Variants in ITPR1 observed in about 807,000 individuals in gnomAD.
ITPR1 encodes the protein inositol 1,4,5-trisphosphate receptor type 1, also known as inositol 1,4,5-trisphosphate-gated calcium channel ITPR1.
Under a neutral mutation model 318.4 loss-of-function variants are expected in ITPR1, and 96 were observed. The ratio of observed to expected loss-of-function variants is 0.30; its 90% CI spans 0.26 to 0.36. The LOEUF (loss-of-function observed/expected upper bound fraction) is 0.36. ITPR1 is among the 10% of genes least tolerant of loss of function. The probability of loss-of-function intolerance (pLI) is 1.00; values close to 1 mark genes in which losing one functional copy is unlikely to be tolerated. For missense variants in ITPR1, 2,440 were observed against 3,460.2 expected, an observed-to-expected ratio of 0.71 and a Z score of 7.40; for synonymous variants, 1,312 against 1,289.9, an observed-to-expected ratio of 1.02 and a Z score of -0.37.
At chr3:4,802,342 G>C (rs530566341) in intron 54 of ITPR1, among the ~76,000 whole-genome samples, 80 of 152,312 alleles carry the variant, frequency 5.3e-4, no homozygotes, top group African/African-American at 1.9e-3. Flanking sequence ...TTTGAGCCAA[G>C]AAATGGTCCA....
chr3:4,600,848 G>T (rs1451894988), intron 4 of ITPR1, among the ~76,000 whole-genome samples: 1 of 152,170 alleles, frequency 6.6e-6, no homozygotes, highest in African/African-American at 2.4e-5. Flanking sequence ...CAGGAATGGA[G>T]AAATAAAAAT....
intron 4 of ITPR1, among the ~76,000 whole-genome samples, chr3:4,609,617 C>G (rs2091954812): frequency 6.6e-6 from 1 of 152,002 alleles, no homozygotes; most frequent in Non-Finnish European, 1.5e-5. Context: ...GGGGGAAGGA[C>G]TCTGGTGCTC....
At chr3:4,800,252 T>C (rs985575370) in intron 53 of ITPR1, 173 bp from the exon 54 acceptor site, 6 of 574,390 alleles carry the variant, frequency 1.0e-5, no homozygotes, top group Admixed American at 7.7e-5. Context: ...GGCTTGGAGG[T>C]CAAAAAATGC....
At chr3:4,591,235 G>A (rs1417741300) in intron 4 of ITPR1, among the ~76,000 whole-genome samples, 2 of 152,122 alleles carry the variant, frequency 1.3e-5, no homozygotes, top group African/African-American at 2.4e-5. Context: ...TCCTCTGGGT[G>A]TATACTCAGT....
chr3:4,827,385 C>A (rs2050148479), intron 60 of ITPR1, among the ~76,000 whole-genome samples: 1 of 152,186 alleles, frequency 6.6e-6, no homozygotes, highest in Admixed American at 6.5e-5. Flanking sequence ...TAAAACTGCT[C>A]TCACCTGGAA....
chr3:4,528,891 A>G (rs1163632685), intron 4 of ITPR1, among the ~76,000 whole-genome samples: 1 of 152,228 alleles, frequency 6.6e-6, no homozygotes, highest in African/African-American at 2.4e-5. Context: ...GTTTATCTCA[A>G]TCTTGGACCA....
At chr3:4,544,684 A>G (rs1263046620) in intron 4 of ITPR1, among the ~76,000 whole-genome samples, 1 of 152,242 alleles carries the variant, frequency 6.6e-6, no homozygotes, top group Non-Finnish European at 1.5e-5. Flanking sequence ...TAACTTCGTA[A>G]AGGGAAATGC....
chr3:4,559,448 G>T (rs1272387362), intron 4 of ITPR1, among the ~76,000 whole-genome samples: 1 of 152,138 alleles, frequency 6.6e-6, no homozygotes. Flanking sequence ...TATGTTCTCT[G>T]TAAGGGTATT....
intron 2 of ITPR1, among the ~76,000 whole-genome samples, chr3:4,515,110 G>A (rs950751636): frequency 3.9e-5 from 6 of 152,176 alleles, no homozygotes; most frequent in African/African-American, 1.2e-4. Flanking sequence ...CAATGTCTGG[G>A]TTGTTGGAGG....
rs1204683161 is a variant in ITPR1, at chr3:4,787,368, C to T, written c.6616-579C>T. Among the ~76,000 whole-genome samples the T allele has an allele frequency of 4.3e-4, 54 of 125,188 alleles. No homozygotes were observed. In the South Asian group the frequency reaches 0.013, roughly 29 times the overall value. 82.1% of individuals were successfully genotyped at this position (125,188 alleles called of 152,430 possible). A position where few individuals can be genotyped will look rare whatever the true frequency, so the allele number is the denominator to read the frequency against. On this transcript the variant is annotated intron_variant, in intron 51 of 61. Transcript: ENST00000649015. ...AAAAAAAAAAAAAAAAAAAAGAATT[C>T]ATGGGTTCATCATTGTCTTGGATTA... is the stretch of plus-strand genomic sequence containing the variant.
intron 61 of ITPR1, 49 bp downstream of exon 61, chr3:4,836,984 C>G (rs912483017): frequency 5.5e-6 from 8 of 1,448,882 alleles, no homozygotes; most frequent in Admixed American, 1.9e-5. Context: ...TATCCCCACC[C>G]ACACCCACTA....
intron 4 of ITPR1, among the ~76,000 whole-genome samples, chr3:4,521,875 CAAAAACAA>C (rs1405604534): frequency 8.9e-6 from 1 of 112,222 alleles, no homozygotes; most frequent in African/African-American, 4.1e-5. Flanking sequence ...GTCTCAAAAA[CAAAAACAA>C]AAACAAAAAC....
At chr3:4,803,304 C>T (rs776243001) in intron 54 of ITPR1, among the ~76,000 whole-genome samples, 2 of 152,190 alleles carry the variant, frequency 1.3e-5, no homozygotes, top group Non-Finnish European at 2.9e-5. Context: ...CCAAACCATA[C>T]TGCCACTCTG....
At chr3:4,747,630 G>C (rs781096776) in intron 44 of ITPR1, among the ~76,000 whole-genome samples, 4 of 152,160 alleles carry the variant, frequency 2.6e-5, no homozygotes, top group African/African-American at 4.8e-5. Context: ...CATGAATTCT[G>C]GAGGAGGAAA....
Position 4,642,169 on chromosome 3 carries a change from G to A in ITPR1, c.443G>A (p.Arg148Lys), listed in dbSNP as rs2093352735. 1.2e-6 allele frequency: 2 copies of A among 1,609,634 alleles called. No homozygotes were observed. Among genetic ancestry groups the A allele is most frequent in the Non-Finnish European group, 1.7e-6 (2 of 1,177,624 alleles). Residue 148 changes from arginine (R) to lysine (K), a missense_variant, in exon 7 of 62, where the codon AGA becomes AAA. Coordinates refer to ENST00000649015, the MANE Select transcript of ITPR1 (RefSeq NM_001378452.1). ...GCTCTGTTGGAGAAGAATGCCATGA[G>A]AGTCACATTGGACGAGGCTGGAAAT... ...LPALLEKNAM[R>K]VTLDEAGNEG...
At chr3:4,505,773 C>T (rs893160376) in intron 2 of ITPR1, among the ~76,000 whole-genome samples, 9 of 152,144 alleles carry the variant, frequency 5.9e-5, no homozygotes, top group Non-Finnish European at 1.5e-5. Context: ...CACTCCTCAC[C>T]TGGCTGTGCT....
At chr3:4,693,277 G>A (rs1408491874) in intron 32 of ITPR1, among the ~76,000 whole-genome samples, 1 of 152,170 alleles carries the variant, frequency 6.6e-6, no homozygotes, top group Non-Finnish European at 1.5e-5. Flanking sequence ...GCTTTCTAGG[G>A]CCAGTGTGGT....
At chr3:4,667,836 C>A (rs1171807843) in intron 18 of ITPR1, among the ~76,000 whole-genome samples, 1 of 152,064 alleles carries the variant, frequency 6.6e-6, no homozygotes. Context: ...TGAGAATAAA[C>A]GCAGGTGACG....
chr3:4,580,426 C>G (rs945795412), intron 4 of ITPR1, among the ~76,000 whole-genome samples: 1 of 152,190 alleles, frequency 6.6e-6, no homozygotes, highest in African/African-American at 2.4e-5. Flanking sequence ...GGGGGCAGGA[C>G]AGGAGAACCC....
Sources: allele counts gnomAD v4.1 joint callset (sites outside exome capture counted in the v4.1 genomes callset), GRCh38; gene constraint gnomAD v4.1.1; transcripts MANE v1.5; gene names NCBI Gene and HGNC (gene_info 2026-07-23, HGNC 2026-07-21).